BBOF1: variants seen among roughly 807,000 people sequenced by gnomAD.
BBOF1 encodes the protein basal body orientation factor 1.
BBOF1 carries 62 observed loss-of-function variants against 68.0 expected under a neutral mutation model. That is an observed-to-expected ratio of 0.91 (90% CI 0.74 to 1.13). The LOEUF (loss-of-function observed/expected upper bound fraction) is 1.13. Ranked by LOEUF, BBOF1 falls within the 50% of genes most tolerant of loss-of-function variation. The pLI, the probability that BBOF1 is intolerant of heterozygous loss-of-function variation, is 0.00. For synonymous variants in BBOF1, 208 were observed against 198.8 expected (o/e 1.05, Z -0.39); for missense variants, 534 against 600.1 (o/e 0.89, Z 1.15).
intron 5 of BBOF1, among the ~76,000 whole-genome samples, chr14:74,044,702 G>T (rs917254403): frequency 1.3e-5 from 2 of 152,018 alleles, no homozygotes; most frequent in African/African-American, 4.8e-5. Context: ...GAGGCGGGTG[G>T]ATCACCTGAG....
chr14:74,078,074 T>C, intron 9 of BBOF1: 1 of 392,290 alleles, frequency 2.5e-6, no homozygotes, highest in Non-Finnish European at 5.1e-6. Flanking sequence ...TCCATTTCTA[T>C]AAATAATAAA....
chr14:74,057,499 T>C, intron 11 of BBOF1: 3 of 1,395,742 alleles, frequency 2.1e-6, no homozygotes, highest in Non-Finnish European at 2.8e-6. Context: ...AGGTTGCCTT[T>C]TGAAGTAAAC....
chr14:74,066,488 T>A (rs2139771312), downstream of BBOF1, among the ~76,000 whole-genome samples: 1 of 152,270 alleles, frequency 6.6e-6, no homozygotes, highest in African/African-American at 2.4e-5. Context: ...TATCTATCCC[T>A]TTATGGAAAG....
downstream of BBOF1, chr14:74,068,723 CAGAG>C (rs150489713): frequency 4.9e-3 from 5,020 of 1,030,724 alleles, 121 homozygotes; most frequent in African/African-American, 0.064. Flanking sequence ...AGCTTGGTGA[CAGAG>C]AGACTCTGTC....
chr14:74,043,898 ATTC>A (rs941020912), intron 5 of BBOF1, among the ~76,000 whole-genome samples: 30 of 151,962 alleles, frequency 2.0e-4, no homozygotes, highest in Non-Finnish European at 7.4e-5. Flanking sequence ...GCTCTGGATC[ATTC>A]TTATTTAGAG....
At chr14:74,056,856 G>A in intron 9 of BBOF1, 50 bp from the exon 10 acceptor site, 1 of 1,238,800 alleles carries the variant, frequency 8.1e-7, no homozygotes, top group Non-Finnish European at 1.2e-6. Flanking sequence ...ATGAAGGCAT[G>A]AGGAGACACT....
At chr14:74,073,006 G>A (rs1372063549) in intron 9 of BBOF1, among the ~76,000 whole-genome samples, 2 of 152,186 alleles carry the variant, frequency 1.3e-5, no homozygotes, top group Non-Finnish European at 2.9e-5. Context: ...CACCATGTCG[G>A]CCAGACTGAT....
At chr14:74,057,643 A>G in intron 11 of BBOF1, 1 of 1,331,494 alleles carries the variant, frequency 7.5e-7, no homozygotes, top group Non-Finnish European at 9.8e-7. Flanking sequence ...GAGATATGAA[A>G]TGATTTTTTT....
In BBOF1 at chr14:74,042,097, A is replaced by G. The variant is rs367613031; in HGVS notation, c.576+1452A>G. 2.0e-5 allele frequency among the ~76,000 whole-genome samples: 3 copies of G among 151,956 alleles called. 1 individual carries two copies. Among genetic ancestry groups the G allele is most frequent in the East Asian group, 1.9e-4 (1 of 5,168 alleles). On this transcript the variant is annotated intron_variant, in intron 5 of 11. Transcript: ENST00000394009. ...GGTCTCATTATGTTGCTGGTCTCGA[A>G]CTCCTGGGCTCCAGCAATCCTTCTG...
chr14:74,044,297 C>G (rs892445777), intron 5 of BBOF1, among the ~76,000 whole-genome samples: 3 of 151,856 alleles, frequency 2.0e-5, no homozygotes, highest in African/African-American at 7.2e-5. Context: ...ACGACCTCCT[C>G]TAGTTACTAT....
intron 9 of BBOF1, among the ~76,000 whole-genome samples, chr14:74,075,998 A>G (rs2060609023): frequency 6.6e-6 from 1 of 152,234 alleles, no homozygotes; most frequent in African/African-American, 2.4e-5. Context: ...GTATGATTCT[A>G]CTTATGTAAC....
chr14:74,072,741 T>C, intron 9 of BBOF1: 3 of 1,022,576 alleles, frequency 2.9e-6, no homozygotes, highest in Non-Finnish European at 2.9e-6. Context: ...TTCTGGTCTT[T>C]AGAAATGTTA....
chr14:74,073,603 A>G (rs2060577951), intron 9 of BBOF1, among the ~76,000 whole-genome samples: 1 of 152,138 alleles, frequency 6.6e-6, no homozygotes, highest in Non-Finnish European at 1.5e-5. Context: ...CATTACTGTG[A>G]GCATGTATTA....
intron 10 of BBOF1, among the ~76,000 whole-genome samples, chr14:74,080,174 T>C (rs2060656825): frequency 6.6e-6 from 1 of 152,118 alleles, no homozygotes; most frequent in Non-Finnish European, 1.5e-5. Flanking sequence ...GAAACCCAGA[T>C]ACTATTCCAA....
intron 8 of BBOF1, among the ~76,000 whole-genome samples, chr14:74,052,029 AATTT>A (rs2060078417): frequency 6.6e-6 from 1 of 151,828 alleles, no homozygotes; most frequent in African/African-American, 2.4e-5. Flanking sequence ...CCTAAACTAT[AATTT>A]ACTTCTTGTC....
chr14:74,049,965 A>T lies in BBOF1; in HGVS notation c.1056A>T (p.Ile352=). ...MNRVKKLAKN[I]LDERTEVERF... is the part of the protein sequence containing the mutation. Reference sequence around the variant, plus strand: ...GTGTGAAGAAGCTGGCCAAGAACATACTGGATGAGAGAACAGAAGTGGAAA... The same window carrying T: ...GTGTGAAGAAGCTGGCCAAGAACATTCTGGATGAGAGAACAGAAGTGGAAA... The change falls in exon 8 of 12, where the codon ATA becomes ATT. Residue 352 remains isoleucine, a synonymous_variant. Transcript: ENST00000394009. The T allele has an allele frequency of 6.2e-7, 1 of 1,614,208 alleles. No homozygotes were observed. The highest frequency in any genetic ancestry group is 8.5e-7 in the Non-Finnish European group (1 of 1,180,044).
intron 11 of BBOF1, chr14:74,059,249 T>C (rs562965721): frequency 2.8e-6 from 1 of 352,452 alleles, no homozygotes; most frequent in South Asian, 2.2e-5. Context: ...AAATCACTAA[T>C]TAGAAATACA....
At chr14:74,042,701 T>C (rs2059848981) in intron 5 of BBOF1, among the ~76,000 whole-genome samples, 1 of 152,116 alleles carries the variant, frequency 6.6e-6, no homozygotes, top group Non-Finnish European at 1.5e-5. Context: ...CCACCTACTC[T>C]GGAGACTGAG....
chr14:74,080,266 A>G (rs1246472076), intron 10 of BBOF1, among the ~76,000 whole-genome samples: 1 of 151,848 alleles, frequency 6.6e-6, no homozygotes, highest in Non-Finnish European at 1.5e-5. Flanking sequence ...ACTCACCTCT[A>G]GCTGTCCTGC....
Sources: allele counts gnomAD v4.1 joint callset (sites outside exome capture counted in the v4.1 genomes callset), GRCh38; gene constraint gnomAD v4.1.1; transcripts MANE v1.5; gene names NCBI Gene and HGNC (gene_info 2026-07-23, HGNC 2026-07-21).